Variants in GNA12 observed in about 807,000 individuals in gnomAD.
GNA12 encodes guanine nucleotide-binding protein subunit alpha-12.
In GNA12, 9 loss-of-function variants were observed where a neutral mutation model predicts 26.0. The ratio of observed to expected loss-of-function variants is 0.35; its 90% CI spans 0.21 to 0.60. The LOEUF (loss-of-function observed/expected upper bound fraction) is 0.60. Ranked by LOEUF, GNA12 falls within the 20% of genes least tolerant of loss-of-function variation. The pLI is 0.78. For synonymous variants in GNA12, 264 were observed against 219.6 expected (o/e 1.20, Z -1.79); for missense variants, 405 against 525.8 (o/e 0.77, Z 2.25).
rs1050068455 is a variant in GNA12 at position 2,753,438 on chromosome 7, G to C, written c.526-19937C>G. Among the ~76,000 whole-genome samples the C allele has an allele frequency of 2.2e-4, 34 of 152,162 alleles. 1 individual carries two copies. Among genetic ancestry groups the C allele is most frequent in the Non-Finnish European group, 1.9e-4 (13 of 68,036 alleles). ...CAGGTGTGAGCCCCTGCACCTGGCA[G>C]CATGTGGCCTTTGGAAGTTGGCTTT... On this transcript the variant is annotated intron_variant, in intron 2 of 3. Coordinates refer to ENST00000275364, the MANE Select transcript of GNA12 (RefSeq NM_007353.3).
At chr7:2,790,383 TG>T (rs527321466) in intron 2 of GNA12, among the ~76,000 whole-genome samples, 130 of 152,312 alleles carry the variant, frequency 8.5e-4, no homozygotes, top group African/African-American at 3.1e-3. Context: ...ACCGAATAGC[TG>T]GAACTACAGG....
At chr7:2,780,418 T>C (rs1175288248) in intron 2 of GNA12, among the ~76,000 whole-genome samples, 1 of 152,156 alleles carries the variant, frequency 6.6e-6, no homozygotes, top group East Asian at 1.9e-4. Flanking sequence ...GCATAAAAGA[T>C]ACATGCACTA....
At chr7:2,762,878 C>A (rs774121048) in intron 2 of GNA12, 2 of 1,439,742 alleles carry the variant, frequency 1.4e-6, no homozygotes, top group African/African-American at 2.9e-5. Flanking sequence ...GAGCCCTGCT[C>A]GTGGAGCCAT....
At chr7:2,756,033 C>A (rs996993885) in intron 2 of GNA12, among the ~76,000 whole-genome samples, 1 of 152,106 alleles carries the variant, frequency 6.6e-6, no homozygotes, top group Non-Finnish European at 1.5e-5. Flanking sequence ...AGAAGAACAA[C>A]GTTTTCATAA....
In GNA12 at chr7:2,806,475, A is replaced by AAAAG. The variant is rs1448982160; in HGVS notation, c.310-11336_310-11333dup. 7.6e-3 allele frequency among the ~76,000 whole-genome samples: 1,137 copies of AAAAG among 150,484 alleles called. 9 individuals are homozygous for AAAAG. The highest frequency in any genetic ancestry group is 0.059 in the Middle Eastern group (17 of 286). On this transcript the variant is annotated intron_variant, in intron 1 of 3. Transcript: ENST00000275364. ...TCTGTCTCAAAAAAAAAAAAAAAAA[A>AAAAG]AAAGAAAAAGAAAAAAGAAGAAAGA... is the stretch of plus-strand genomic sequence containing the variant.
chr7:2,808,002 C>T (rs545457665), intron 1 of GNA12, among the ~76,000 whole-genome samples: 5 of 152,238 alleles, frequency 3.3e-5, no homozygotes, highest in East Asian at 1.9e-4. Context: ...TCATTTTGGG[C>T]GCTTCCTCCA....
intron 2 of GNA12, chr7:2,760,268 T>A (rs1332927858): frequency 6.6e-6 from 1 of 152,446 alleles, no homozygotes; most frequent in African/African-American, 2.4e-5. Flanking sequence ...CAGGCTCGCC[T>A]CCCAGCAGCG....
chr7:2,728,702 A>G lies in GNA12; in HGVS notation c.*2479T>C, dbSNP rs1789731252. On this transcript the variant is annotated 3_prime_UTR_variant, in exon 4 of 4. Coordinates refer to ENST00000275364, the MANE Select transcript of GNA12 (RefSeq NM_007353.3). ...AATACAAAAGCCTAAGGTTCTGGAG[A>G]CAAAACTGACTAGAGTCTATGTGTA... is the stretch of plus-strand genomic sequence containing the variant. 1 of 149,878 alleles carries G rather than the reference A, an allele frequency of 6.7e-6. No homozygotes were observed. Among genetic ancestry groups the G allele is most frequent in the Non-Finnish European group, 1.5e-5 (1 of 66,756 alleles). 9.3% of individuals were successfully genotyped at this position (149,878 alleles called of 1,614,324 possible). A position where few individuals can be genotyped will look rare whatever the true frequency, so the allele number is the denominator to read the frequency against.
chr7:2,825,189 G>T (rs768362634), intron 1 of GNA12, among the ~76,000 whole-genome samples: 4 of 152,204 alleles, frequency 2.6e-5, no homozygotes, highest in Admixed American at 2.6e-4. Context: ...AAGGTGTGGG[G>T]GAAGCCCGAG....
chr7:2,772,317 T>C (rs1000163411), intron 2 of GNA12, among the ~76,000 whole-genome samples: 3 of 152,026 alleles, frequency 2.0e-5, no homozygotes, highest in African/African-American at 7.2e-5. Context: ...ATCCCAGCAC[T>C]TGGGGAGGCA....
intron 1 of GNA12, among the ~76,000 whole-genome samples, chr7:2,810,496 C>T (rs1049740485): frequency 1.3e-5 from 2 of 152,158 alleles, no homozygotes; most frequent in African/African-American, 4.8e-5. Flanking sequence ...ATACTGCTAA[C>T]AAAAACCATG....
At chr7:2,829,359 T>C (rs538404655) in intron 1 of GNA12, among the ~76,000 whole-genome samples, 1 of 152,284 alleles carries the variant, frequency 6.6e-6, no homozygotes, top group East Asian at 1.9e-4. Flanking sequence ...TTTGTGCAAA[T>C]GCCTGAAGGA....
chr7:2,787,463 G>A (rs1792390994), intron 2 of GNA12, among the ~76,000 whole-genome samples: 1 of 152,208 alleles, frequency 6.6e-6, no homozygotes, highest in Admixed American at 6.5e-5. Flanking sequence ...CCTCCCTGCT[G>A]CACTCTGGAG....
intron 1 of GNA12, among the ~76,000 whole-genome samples, chr7:2,809,395 T>C (rs1323291616): frequency 6.6e-6 from 1 of 152,182 alleles, no homozygotes; most frequent in Non-Finnish European, 1.5e-5. Context: ...TGTACCAAAG[T>C]TGATAAAAAA....
chr7:2,728,429 CTA>C lies in GNA12; in HGVS notation c.*2750_*2751del, dbSNP rs1235891460. The C allele has an allele frequency of 1.3e-5, 2 of 152,170 alleles. No homozygotes were observed. Among genetic ancestry groups the C allele is most frequent in the African/African-American group, 4.8e-5 (2 of 41,354 alleles). 9.4% of individuals were successfully genotyped at this position (152,170 alleles called of 1,614,324 possible). A position where few individuals can be genotyped will look rare whatever the true frequency, so the allele number is the denominator to read the frequency against. The stretch of plus-strand genomic sequence containing the variant: ...ATTACAATAAGAATTCTAGAGATCT[CTA>C]TAAATTACAGACCTATGACTCAAAA... On this transcript the variant is annotated 3_prime_UTR_variant, in exon 4 of 4. Coordinates refer to ENST00000275364, the MANE Select transcript of GNA12 (RefSeq NM_007353.3).
chr7:2,772,457 G>C (rs1445978613), intron 2 of GNA12, among the ~76,000 whole-genome samples: 1 of 152,048 alleles, frequency 6.6e-6, no homozygotes, highest in African/African-American at 2.4e-5. Flanking sequence ...CTACTTGGGA[G>C]GCTGAGGCAG....
chr7:2,800,979 C>A (rs920177066), intron 1 of GNA12, among the ~76,000 whole-genome samples: 3 of 152,120 alleles, frequency 2.0e-5, no homozygotes, highest in African/African-American at 7.2e-5. Flanking sequence ...CCCCACTATG[C>A]ACAACAAAAA....
rs1792097110 is a variant in GNA12 at position 2,777,110 on chromosome 7, T to A, written c.525+17818A>T. On this transcript the variant is annotated intron_variant, in intron 2 of 3. Coordinates refer to ENST00000275364, the MANE Select transcript of GNA12 (RefSeq NM_007353.3). ...CCTGCACCTGTGTAGCCCTACCCTATCTGAATGGGAGTGGACTGAGGGGAG... is the reference window on the plus strand; with the variant it reads ...CCTGCACCTGTGTAGCCCTACCCTAACTGAATGGGAGTGGACTGAGGGGAG... 2.6e-5 allele frequency among the ~76,000 whole-genome samples: 4 copies of A among 152,054 alleles called. No individual in the cohort carries two copies. The South Asian group carries it at 6.2e-4, about 24-fold the overall frequency.
At chr7:2,753,471 C>T (rs969590841) in intron 2 of GNA12, among the ~76,000 whole-genome samples, 1 of 152,192 alleles carries the variant, frequency 6.6e-6, no homozygotes, top group Non-Finnish European at 1.5e-5. Context: ...TTTTTTCACT[C>T]AACATAATGT....
Sources: allele counts gnomAD v4.1 joint callset (sites outside exome capture counted in the v4.1 genomes callset), GRCh38; gene constraint gnomAD v4.1.1; transcripts MANE v1.5; gene names NCBI Gene and HGNC (gene_info 2026-07-23, HGNC 2026-07-21).